Variants in EPHA6 observed in about 807,000 individuals in gnomAD.
The protein encoded by EPHA6 is EPH receptor A6.
In EPHA6, 50 loss-of-function variants were observed where a neutral mutation model predicts 112.0. The ratio of observed to expected loss-of-function variants is 0.45; its 90% CI spans 0.36 to 0.56. EPHA6 has a LOEUF of 0.56. Ranked by LOEUF, EPHA6 falls within the 20% of genes least tolerant of loss-of-function variation. The pLI is 0.00. For synonymous variants in EPHA6, 529 were observed against 490.7 expected (o/e 1.08, Z -1.03); for missense variants, 1,280 against 1,417.4 (o/e 0.90, Z 1.56).
chr3:97,277,161 C>T (rs1379662799), intron 5 of EPHA6, among the ~76,000 whole-genome samples: 2 of 152,150 alleles, frequency 1.3e-5, no homozygotes, highest in South Asian at 4.2e-4. Flanking sequence ...ACGATTCTAA[C>T]AGGCTTTGTG....
chr3:97,545,372 G>T (rs563101493), intron 11 of EPHA6, among the ~76,000 whole-genome samples: 4 of 152,210 alleles, frequency 2.6e-5, no homozygotes, highest in Admixed American at 2.0e-4. Flanking sequence ...GTAGTTTAGG[G>T]TTTTGAGTGA....
chr3:96,984,357 G>A, intron 2 of EPHA6, among the ~76,000 whole-genome samples: 1 of 152,182 alleles, frequency 6.6e-6, no homozygotes, highest in Non-Finnish European at 1.5e-5. Flanking sequence ...AGTGGAGGCT[G>A]CAGAACACCG....
At position 97,589,246 on chromosome 3, in the gene EPHA6, C is replaced by T. The variant is rs1262706876; in HGVS notation, c.2387-3366C>T. On this transcript the variant is annotated intron_variant, in intron 11 of 17. Coordinates refer to ENST00000389672, the MANE Select transcript of EPHA6 (RefSeq NM_001080448.3). ...AAGACAATTCTTCTTCTAATGTGCC[C>T]CATAGTAGCCAAAAGATTGGACACC... Among the ~76,000 whole-genome samples the T allele has an allele frequency of 3.3e-5, 5 of 151,540 alleles. No homozygotes were observed. In the East Asian group the frequency reaches 9.7e-4, roughly 29 times the overall value.
chr3:96,910,820 G>A (rs2039179685), intron 2 of EPHA6, among the ~76,000 whole-genome samples: 1 of 151,914 alleles, frequency 6.6e-6, no homozygotes, highest in South Asian at 2.1e-4. Flanking sequence ...TTAGTTGTAT[G>A]TTTCCCCATA....
intron 6 of EPHA6, among the ~76,000 whole-genome samples, chr3:97,420,664 G>T (rs2088544420): frequency 6.6e-6 from 1 of 151,904 alleles, no homozygotes; most frequent in Admixed American, 6.6e-5. Flanking sequence ...CTTTTCCTAA[G>T]AATGGGGAAA....
chr3:96,878,408 G>A (rs950247254), intron 2 of EPHA6, among the ~76,000 whole-genome samples: 1 of 151,844 alleles, frequency 6.6e-6, no homozygotes, highest in South Asian at 2.1e-4. Context: ...AGATAAAAGG[G>A]CCTTGTAAGT....
intron 5 of EPHA6, among the ~76,000 whole-genome samples, chr3:97,266,315 C>G (rs1440380722): frequency 2.0e-5 from 3 of 152,032 alleles, no homozygotes; most frequent in Admixed American, 6.6e-5. Context: ...TCCCAACTAG[C>G]AGGGGAAAGG....
intron 3 of EPHA6, among the ~76,000 whole-genome samples, chr3:97,198,010 A>G (rs147896084): frequency 0.025 from 3,853 of 152,134 alleles, 75 homozygotes; most frequent in South Asian, 0.068. Context: ...TCCCAAACAC[A>G]CAGATTCTCT....
At chr3:96,829,830 T>C (rs1213660317) in intron 1 of EPHA6, among the ~76,000 whole-genome samples, 2 of 152,086 alleles carry the variant, frequency 1.3e-5, no homozygotes, top group Non-Finnish European at 2.9e-5. Flanking sequence ...TGAATTTTGC[T>C]TAAAATTTCA....
chr3:96,994,866 C>A (rs2043362825), intron 3 of EPHA6, among the ~76,000 whole-genome samples: 1 of 146,856 alleles, frequency 6.8e-6, no homozygotes, highest in African/African-American at 2.5e-5. Flanking sequence ...GGTATTATTG[C>A]TATATATATA....
At chr3:97,645,001 C>A (rs2107589040) in intron 14 of EPHA6, among the ~76,000 whole-genome samples, 1 of 151,932 alleles carries the variant, frequency 6.6e-6, no homozygotes, top group African/African-American at 2.4e-5. Flanking sequence ...GAATTTTAGA[C>A]CAATATCCTT....
chr3:97,421,702 G>A (rs1400341809), intron 6 of EPHA6, among the ~76,000 whole-genome samples: 1 of 152,122 alleles, frequency 6.6e-6, no homozygotes, highest in Non-Finnish European at 1.5e-5. Context: ...ATATGTTGAA[G>A]TTACATGCCT....
chr3:97,085,948 T>TATATAC (rs984404779), intron 3 of EPHA6, among the ~76,000 whole-genome samples: 11 of 145,170 alleles, frequency 7.6e-5, no homozygotes, highest in African/African-American at 2.5e-4. Flanking sequence ...TATATATATA[T>TATATAC]ACACACTGAG....
intron 14 of EPHA6, among the ~76,000 whole-genome samples, chr3:97,652,127 C>T (rs1395611558): frequency 1.3e-5 from 2 of 152,020 alleles, no homozygotes; most frequent in South Asian, 4.1e-4. Context: ...AAGATACCAA[C>T]AGAGGAAATA....
At chr3:97,449,405 A>G (rs2090455054) in intron 7 of EPHA6, among the ~76,000 whole-genome samples, 1 of 152,134 alleles carries the variant, frequency 6.6e-6, no homozygotes, top group African/African-American at 2.4e-5. Context: ...TCTTTATGAA[A>G]AAGTGGTCAA....
chr3:97,153,377 T>A (rs2076213801), intron 3 of EPHA6, among the ~76,000 whole-genome samples: 1 of 152,172 alleles, frequency 6.6e-6, no homozygotes, highest in South Asian at 2.1e-4. Flanking sequence ...TTACCCACTA[T>A]AATGAAATTA....
At chr3:97,348,862 G>T (rs184726847) in intron 5 of EPHA6, among the ~76,000 whole-genome samples, 1 of 152,084 alleles carries the variant, frequency 6.6e-6, no homozygotes, top group African/African-American at 2.4e-5. Context: ...TAGTAATCAT[G>T]GAAGTGAGGG....
chr3:97,371,405 C>T (rs966811719), intron 5 of EPHA6, among the ~76,000 whole-genome samples: 6 of 152,070 alleles, frequency 3.9e-5, no homozygotes, highest in Admixed American at 6.6e-5. Context: ...TAATTTCTTA[C>T]ACCTGTCTTT....
chr3:97,184,071 C>T (rs1407729897), intron 3 of EPHA6, among the ~76,000 whole-genome samples: 3 of 152,034 alleles, frequency 2.0e-5, no homozygotes, highest in Admixed American at 1.3e-4. Context: ...GTTTGTATAA[C>T]ATTAATTTTG....
Sources: gnomAD v4.1 joint callset for allele counts (sites outside exome capture counted in the v4.1 genomes callset) on GRCh38, gnomAD v4.1.1 for gene constraint, MANE v1.5 for transcripts, NCBI Gene and HGNC (gene_info 2026-07-23, HGNC 2026-07-21) for gene names.